The following VAPB variants were observed in gnomAD, a reference collection of about 807,000 sequenced individuals.
VAPB encodes vesicle-associated membrane protein-associated protein B/C.
VAPB carries 7 observed loss-of-function variants against 25.6 expected under a neutral mutation model. The ratio of observed to expected loss-of-function variants is 0.27; its 90% CI spans 0.16 to 0.51. The LOEUF (loss-of-function observed/expected upper bound fraction) is 0.51. Ranked by LOEUF, VAPB falls within the 20% of genes least tolerant of loss-of-function variation. VAPB has a pLI of 0.97. For missense variants in VAPB, 266 were observed against 301.3 expected, an observed-to-expected ratio of 0.88 and a Z score of 0.87; for synonymous variants, 112 against 109.2, an observed-to-expected ratio of 1.03 and a Z score of -0.16.
chr20:58,433,978 G>A (rs1261675477), intron 2 of VAPB, among the ~76,000 whole-genome samples: 1 of 152,154 alleles, frequency 6.6e-6, no homozygotes, highest in Non-Finnish European at 1.5e-5. Flanking sequence ...CCATGCAGTG[G>A]GTGTGACTCA....
chr20:58,403,486 T>C (rs1046973265), intron 1 of VAPB, among the ~76,000 whole-genome samples: 1 of 152,204 alleles, frequency 6.6e-6, no homozygotes, highest in East Asian at 1.9e-4. Flanking sequence ...TTCTGGTATC[T>C]TTACTCTTCT....
At chr20:58,403,024 A>G (rs1988136471) in intron 1 of VAPB, among the ~76,000 whole-genome samples, 2 of 151,844 alleles carry the variant, frequency 1.3e-5, no homozygotes. Flanking sequence ...AACAAAGCTG[A>G]GAAAGGAGAG....
intron 5 of VAPB, 44 bp downstream of exon 5, chr20:58,441,127 T>G (rs560373272): frequency 1.9e-6 from 3 of 1,600,522 alleles, no homozygotes; most frequent in East Asian, 2.3e-5. Context: ...CAAGGGCGTT[T>G]TCACTAGCTT....
chr20:58,434,463 T>G (rs1988994808), intron 2 of VAPB, 139 bp from the exon 3 acceptor site: 1 of 671,796 alleles, frequency 1.5e-6, no homozygotes, highest in Non-Finnish European at 2.7e-6. Flanking sequence ...TCATCCTTGC[T>G]TACTTCACCA....
In VAPB at chr20:58,417,041, G is replaced by A. The variant is rs532751236; in HGVS notation, c.59-1170G>A. ...CGTATTTGTTTGTGAACACATAAGC[G>A]CACACCCTTTCCCCACCTTCACTTC... On this transcript the variant is annotated intron_variant, in intron 1 of 5. Transcript: ENST00000475243. Among the ~76,000 whole-genome samples, 11 of 152,210 alleles carry A rather than the reference G, an allele frequency of 7.2e-5. No homozygotes were observed. In the East Asian group the frequency reaches 1.7e-3, roughly 24 times the overall value.
chr20:58,446,909 GAAAA>G lies in VAPB; in HGVS notation c.*2678_*2681del, dbSNP rs998823824. 2.6e-5 allele frequency: 12 copies of G among 453,958 alleles called. No homozygotes were observed. Among genetic ancestry groups the G allele is most frequent in the Non-Finnish European group, 4.9e-5 (11 of 226,774 alleles). The allele number at this position is 453,958 out of a possible 1,614,324, so 28.1% of individuals were successfully genotyped here. A position where few individuals can be genotyped will look rare whatever the true frequency, so the allele number is the denominator to read the frequency against. On this transcript the variant is annotated 3_prime_UTR_variant, in exon 6 of 6. Transcript: ENST00000475243. ...GGTGTTTTCCCTAGAATTACATAAT[GAAAA>G]AAAGAATAAGGCAAAGAGGAGGTGA... is the stretch of plus-strand genomic sequence containing the variant.
chr20:58,418,431 G>A, intron 2 of VAPB, 68 bp downstream of exon 2: 1 of 1,579,984 alleles, frequency 6.3e-7, no homozygotes, highest in South Asian at 1.1e-5. Context: ...TTTTCTTAAA[G>A]TTTGTATTTG....
chr20:58,422,484 T>C (rs187130704), intron 2 of VAPB, among the ~76,000 whole-genome samples: 66 of 152,332 alleles, frequency 4.3e-4, no homozygotes, highest in Non-Finnish European at 7.5e-4. Flanking sequence ...GCAGTGGGGA[T>C]CTTCCCATTT....
In VAPB at chr20:58,423,414, C is replaced by CAAAAAAAAAAAAAAAAAAAA. The variant is rs59133081; in HGVS notation, c.211+5067_211+5086dup. Among the ~76,000 whole-genome samples, 13 of 34,766 alleles carry CAAAAAAAAAAAAAAAAAAAA rather than the reference C, an allele frequency of 3.7e-4. 2 individuals are homozygous for CAAAAAAAAAAAAAAAAAAAA. Among genetic ancestry groups the CAAAAAAAAAAAAAAAAAAAA allele is most frequent in the South Asian group, 1.7e-3 (1 of 576 alleles). 22.8% of individuals were successfully genotyped at this position (34,766 alleles called of 152,430 possible). A position where few individuals can be genotyped will look rare whatever the true frequency, so the allele number is the denominator to read the frequency against. On this transcript the variant is annotated intron_variant, in intron 2 of 5. Transcript: ENST00000475243. ...GCAACAAGAGAGAAACTCCATCTCA[C>CAAAAAAAAAAAAAAAAAAAA]AAAAAAAAAAAAAAAAAAAAAAAAA...
rs753786973 is a variant in VAPB, at chr20:58,446,024, A to G, written c.*1789A>G. 4.4e-6 allele frequency: 2 copies of G among 454,082 alleles called. No homozygotes were observed. Among genetic ancestry groups the G allele is most frequent in the South Asian group, 3.1e-5 (2 of 64,476 alleles). 28.1% of individuals were successfully genotyped at this position (454,082 alleles called of 1,614,324 possible). ...GGGTCAGGGGCCTTGAAACTGGAGA[A>G]GTGGAAGTCTATGGTTGGTCTGAGT... On this transcript the variant is annotated 3_prime_UTR_variant, in exon 6 of 6. Transcript: ENST00000475243.
At chr20:58,390,381 T>G (rs1487937341) in intron 1 of VAPB, 2 of 90,772 alleles carry the variant, frequency 2.2e-5, no homozygotes, top group Non-Finnish European at 4.6e-5. Context: ...TTACTTTTGT[T>G]TTTTTTTTTT....
rs1339886276 is a variant in VAPB at position 58,446,815 on chromosome 20, G to C, written c.*2580G>C. ...CTCAGTCATCCTGGCAGCCAAAAAT[G>C]TGCCAGGAAAAGAAAGAATGTGGAG... is the stretch of plus-strand genomic sequence containing the variant. On this transcript the variant is annotated 3_prime_UTR_variant, in exon 6 of 6. Transcript: ENST00000475243. The C allele has an allele frequency of 2.2e-6, 1 of 454,108 alleles. No homozygotes were observed. The highest frequency in any genetic ancestry group is 4.4e-6 in the Non-Finnish European group (1 of 226,782). 28.1% of individuals were successfully genotyped at this position (454,108 alleles called of 1,614,324 possible). A position where few individuals can be genotyped will look rare whatever the true frequency, so the allele number is the denominator to read the frequency against.
chr20:58,442,007 ATGAAG>A (rs1289789412), intron 5 of VAPB, among the ~76,000 whole-genome samples: 1 of 152,158 alleles, frequency 6.6e-6, no homozygotes, highest in African/African-American at 2.4e-5. Context: ...GTACTGAGTG[ATGAAG>A]TGGGGAGGCA....
chr20:58,438,542 G>A (rs1989095084), intron 3 of VAPB, among the ~76,000 whole-genome samples: 2 of 152,208 alleles, frequency 1.3e-5, no homozygotes, highest in Non-Finnish European at 2.9e-5. Context: ...GCCTCCCAAA[G>A]TGCTGGGATT....
At chr20:58,393,690 C>T (rs1413262254) in intron 1 of VAPB, among the ~76,000 whole-genome samples, 1 of 151,628 alleles carries the variant, frequency 6.6e-6, no homozygotes, top group Non-Finnish European at 1.5e-5. Context: ...GTCTGTTGAA[C>T]ATCCATCCTC....
rs571906474 is a variant in VAPB at position 58,444,458 on chromosome 20, GA to G, written c.*227del. On this transcript the variant is annotated 3_prime_UTR_variant, in exon 6 of 6. Transcript: ENST00000475243. ...AAATGTATAGTAACTGATTGAGGGG[GA>G]AAAGAATGATCTTTATTAATGACAA... 1.2e-3 allele frequency: 757 copies of G among 641,632 alleles called. 5 individuals carry two copies. The Middle Eastern group carries it at 0.019, about 16-fold the overall frequency. 39.7% of individuals were successfully genotyped at this position (641,632 alleles called of 1,614,324 possible). A position where few individuals can be genotyped will look rare whatever the true frequency, so the allele number is the denominator to read the frequency against.
At chr20:58,414,586 G>A (rs1988485887) in intron 1 of VAPB, among the ~76,000 whole-genome samples, 1 of 151,746 alleles carries the variant, frequency 6.6e-6, no homozygotes, top group African/African-American at 2.4e-5. Context: ...CATCCCAGAC[G>A]GGGCGGCGGG....
intron 2 of VAPB, among the ~76,000 whole-genome samples, chr20:58,421,364 T>A (rs548265953): frequency 3.9e-5 from 6 of 152,212 alleles, no homozygotes; most frequent in Non-Finnish European, 8.8e-5. Context: ...ATACTTGAAT[T>A]GACTGTTTAG....
At chr20:58,423,880 A>G (rs1988728595) in intron 2 of VAPB, among the ~76,000 whole-genome samples, 1 of 152,230 alleles carries the variant, frequency 6.6e-6, no homozygotes, top group Admixed American at 6.5e-5. Flanking sequence ...CTTTTTCAGC[A>G]GATGAGAGAT....
Sources: allele counts gnomAD v4.1 joint callset (sites outside exome capture counted in the v4.1 genomes callset), GRCh38; gene constraint gnomAD v4.1.1; transcripts MANE v1.5; gene names NCBI Gene and HGNC (gene_info 2026-07-23, HGNC 2026-07-21).